The following BTAF1 variants were observed in gnomAD, a reference collection of about 807,000 sequenced individuals.
BTAF1 encodes the protein TATA-binding protein-associated factor 172.
BTAF1 carries 38 observed loss-of-function variants against 227.1 expected under a neutral mutation model. That is an observed-to-expected ratio of 0.17 (90% CI 0.13 to 0.22). BTAF1 has a LOEUF of 0.22. Among genes scored for constraint, BTAF1 ranks in the 10% least tolerant of loss-of-function variants. BTAF1 has a pLI of 1.00. For synonymous variants in BTAF1, 742 were observed against 751.9 expected, an observed-to-expected ratio of 0.99 and a Z score of 0.21; for missense variants, 1,598 against 2,204.0, an observed-to-expected ratio of 0.73 and a Z score of 5.51.
At position 91,935,955 on chromosome 10, in the gene BTAF1, A is replaced by G. The variant is rs111270055; in HGVS notation, c.138+175A>G. Among the ~76,000 whole-genome samples, 1,050 of 151,470 alleles carry G rather than the reference A, an allele frequency of 6.9e-3. 11 individuals are homozygous for G. Among genetic ancestry groups the G allele is most frequent in the African/African-American group, 0.024 (989 of 41,288 alleles). On this transcript the variant is annotated intron_variant, in intron 2 of 37. Coordinates refer to ENST00000265990, the MANE Select transcript of BTAF1 (RefSeq NM_003972.3). ...TTTTTTTAATCAAGTTTAGTAGCTT[A>G]AGGGATTTGAGTATAGATCGTTTTG...
chr10:91,989,678 T>C lies in BTAF1; in HGVS notation c.2854+98T>C, dbSNP rs74907422. On this transcript the variant is annotated intron_variant, in intron 20 of 37. Coordinates refer to ENST00000265990, the MANE Select transcript of BTAF1 (RefSeq NM_003972.3). ...ATTTAAGCACAAATCCAGTTCATGT[T>C]AGTGTTTTTTCCCATTCTGAGAGAA... 2,501 of 1,187,664 alleles carry C rather than the reference T, an allele frequency of 2.1e-3. 42 individuals are homozygous for C. The African/African-American group carries it at 0.035, about 17-fold the overall frequency. 73.6% of individuals were successfully genotyped at this position (1,187,664 alleles called of 1,614,324 possible).
rs2134004524 is a variant in BTAF1, at chr10:91,987,182, C to G, written c.2428-1972C>G. On this transcript the variant is annotated intron_variant, in intron 19 of 37. Transcript: ENST00000265990. ...CACAAATCTTGTCAGCATTTTCTTT[C>G]AGAAAGTCTCATGTGTTTAGGCCGG... Among the ~76,000 whole-genome samples, 2 of 132,770 alleles carry G rather than the reference C, an allele frequency of 1.5e-5. 1 individual carries two copies. The highest frequency in any genetic ancestry group is 4.8e-4 in the South Asian group (2 of 4,206). 87.1% of individuals were successfully genotyped at this position (132,770 alleles called of 152,430 possible). A position where few individuals can be genotyped will look rare whatever the true frequency, so the allele number is the denominator to read the frequency against.
chr10:91,997,336 T>C (rs899349713), intron 24 of BTAF1, among the ~76,000 whole-genome samples: 17 of 152,238 alleles, frequency 1.1e-4, no homozygotes, highest in Non-Finnish European at 2.1e-4. Flanking sequence ...AAAAATCTTA[T>C]TGGTAAAGCT....
chr10:91,991,832 T>TACAC (rs1554860575), intron 20 of BTAF1, among the ~76,000 whole-genome samples: 47 of 11,220 alleles, frequency 4.2e-3, no homozygotes, highest in African/African-American at 5.8e-3. Flanking sequence ...TATATATATA[T>TACAC]ACACACATAT....
At chr10:92,018,384 A>C (rs1850884574) in intron 33 of BTAF1, among the ~76,000 whole-genome samples, 1 of 152,122 alleles carries the variant, frequency 6.6e-6, no homozygotes, top group South Asian at 2.1e-4. Context: ...CCCGGCCAGA[A>C]ATTTTTACAC....
chr10:92,006,075 A>G (rs117694827), intron 25 of BTAF1, among the ~76,000 whole-genome samples: 3,086 of 151,970 alleles, frequency 0.02, 42 homozygotes, highest in Non-Finnish European at 0.031. Context: ...GGGTCTTGCT[A>G]TGTTACCCAG....
intron 4 of BTAF1, among the ~76,000 whole-genome samples, chr10:91,950,275 G>C (rs574134940): frequency 6.6e-6 from 1 of 151,188 alleles, no homozygotes. Flanking sequence ...GTAGCTTTTC[G>C]CTTTTGTAGC....
chr10:92,026,730 C>T lies in BTAF1; in HGVS notation c.5214C>T (p.Asp1738=), dbSNP rs1386711623. Residue 1738 remains aspartate, a synonymous_variant, in exon 36 of 38, where the codon GAC becomes GAT. Transcript: ENST00000265990. ...WNPMRDLQAM[D]RAHRIGQKRV... is the part of the protein sequence containing the mutation. The stretch of plus-strand genomic sequence containing the variant: ...CTATGCGAGATCTACAAGCCATGGA[C>T]CGGGCCCATCGCATTGGGCAGGTAA... 3.1e-6 allele frequency: 5 copies of T among 1,613,528 alleles called. No individual in the cohort carries two copies. Among genetic ancestry groups the T allele is most frequent in the Non-Finnish European group, 4.2e-6 (5 of 1,179,866 alleles).
intron 3 of BTAF1, among the ~76,000 whole-genome samples, chr10:91,941,158 T>C (rs1460067983): frequency 6.6e-6 from 1 of 152,240 alleles, no homozygotes; most frequent in Non-Finnish European, 1.5e-5. Context: ...AAGTTATAAC[T>C]TGTTTTAGAA....
intron 37 of BTAF1, 30 bp downstream of exon 37, chr10:92,027,330 T>C: frequency 2.6e-6 from 4 of 1,567,322 alleles, no homozygotes; most frequent in Non-Finnish European, 2.6e-6. Flanking sequence ...TGTTGTATCT[T>C]TGAGTCACAG....
Position 92,030,435 on chromosome 10 carries a change from G to T in BTAF1, c.*1502G>T, listed in dbSNP as rs572691976. On this transcript the variant is annotated 3_prime_UTR_variant, in exon 38 of 38. Transcript: ENST00000265990. ...TTAGGATTTTAACTCAAAACTTTAT[G>T]TAGAACATTTCAGTATATTTGAGTT... 6.6e-6 allele frequency: 1 copy of T among 152,224 alleles called. No individual in the cohort carries two copies. Among genetic ancestry groups the T allele is most frequent in the South Asian group, 2.1e-4 (1 of 4,824 alleles). 9.4% of individuals were successfully genotyped at this position (152,224 alleles called of 1,614,324 possible).
At chr10:91,930,026 G>A (rs972392540) in intron 1 of BTAF1, among the ~76,000 whole-genome samples, 1 of 151,878 alleles carries the variant, frequency 6.6e-6, no homozygotes, top group African/African-American at 2.4e-5. Flanking sequence ...TATTTCTTTG[G>A]CGTATTTCTC....
intron 19 of BTAF1, 113 bp downstream of exon 19, chr10:91,984,517 C>A: frequency 1.2e-6 from 1 of 860,230 alleles, no homozygotes; most frequent in Non-Finnish European, 1.7e-6. Context: ...CTGTATGTGG[C>A]TTGGTAGCCT....
At chr10:91,996,070 G>T (rs1420854520) in intron 23 of BTAF1, among the ~76,000 whole-genome samples, 1 of 152,146 alleles carries the variant, frequency 6.6e-6, no homozygotes, top group African/African-American at 2.4e-5. Flanking sequence ...GTACTTTTTG[G>T]TTTGTTTCCT....
At chr10:92,005,482 G>T (rs527427638) in intron 25 of BTAF1, among the ~76,000 whole-genome samples, 3 of 152,166 alleles carry the variant, frequency 2.0e-5, no homozygotes, top group African/African-American at 7.2e-5. Flanking sequence ...ATTTATTTGT[G>T]TCCCCAGCAG....
At chr10:91,993,902 T>G (rs754777414) in intron 22 of BTAF1, 55 bp downstream of exon 22, 47 of 1,337,748 alleles carry the variant, frequency 3.5e-5, no homozygotes, top group Non-Finnish European at 4.3e-5. Context: ...GTCTATTAAT[T>G]GAATATATCC....
At chr10:91,939,900 C>A in intron 2 of BTAF1, 52 bp from the exon 3 acceptor site, 1 of 1,255,122 alleles carries the variant, frequency 8.0e-7, no homozygotes, top group Non-Finnish European at 1.1e-6. Context: ...TTCTGGCTAC[C>A]TTGCGCAAAC....
chr10:91,957,418 C>A, intron 8 of BTAF1, 125 bp downstream of exon 8: 1 of 612,764 alleles, frequency 1.6e-6, no homozygotes, highest in Non-Finnish European at 2.8e-6. Context: ...ACTCAGGGCA[C>A]GTCATATCAT....
At chr10:91,971,236 G>C (rs994726174) in intron 14 of BTAF1, among the ~76,000 whole-genome samples, 1 of 151,818 alleles carries the variant, frequency 6.6e-6, no homozygotes, top group South Asian at 2.1e-4. Context: ...TATCTTCAGC[G>C]TATCTCTTTA....
Sources: allele counts gnomAD v4.1 joint callset (sites outside exome capture counted in the v4.1 genomes callset), GRCh38; gene constraint gnomAD v4.1.1; transcripts MANE v1.5; gene names NCBI Gene and HGNC (gene_info 2026-07-23, HGNC 2026-07-21).